PPP1R21: variants seen among roughly 807,000 people sequenced by gnomAD.
PPP1R21 encodes KLRAQ motif containing 1.
Under a neutral mutation model 112.8 loss-of-function variants are expected in PPP1R21, and 85 were observed. That is an observed-to-expected ratio of 0.75 (90% CI 0.63 to 0.90). The LOEUF is 0.90. Among genes scored for constraint, PPP1R21 ranks in the 40% least tolerant of loss-of-function variants. PPP1R21 has a pLI of 0.00. For missense variants in PPP1R21, 1,199 were observed against 901.5 expected (o/e 1.33, Z -4.23); for synonymous variants, 381 against 322.3 (o/e 1.18, Z -1.95).
chr2:48,447,340 A>G (rs953293026), intron 1 of PPP1R21, among the ~76,000 whole-genome samples: 1 of 152,232 alleles, frequency 6.6e-6, no homozygotes, highest in Non-Finnish European at 1.5e-5. Flanking sequence ...TCAGAAAATT[A>G]CAAAACAAGG....
At chr2:48,495,923 A>C (rs952517655) in intron 16 of PPP1R21, 152 bp downstream of exon 16, 5 of 550,082 alleles carry the variant, frequency 9.1e-6, no homozygotes, top group African/African-American at 7.6e-5. Flanking sequence ...GCAAATAGAC[A>C]TAATTTGTTG....
At chr2:48,454,865 G>T in intron 3 of PPP1R21, 124 bp downstream of exon 3, 1 of 745,788 alleles carries the variant, frequency 1.3e-6, no homozygotes, top group Non-Finnish European at 2.3e-6. Flanking sequence ...TTTGAGACAG[G>T]GTCTTGCTCT....
chr2:48,447,639 A>G (rs1404273082), intron 1 of PPP1R21, among the ~76,000 whole-genome samples: 1 of 152,172 alleles, frequency 6.6e-6, no homozygotes, highest in Non-Finnish European at 1.5e-5. Context: ...ACTGGTGCAG[A>G]GAAAGATAGA....
chr2:48,471,530 A>T lies in PPP1R21; in HGVS notation c.1088+163A>T, dbSNP rs985910258. 7.8e-6 allele frequency: 5 copies of T among 643,062 alleles called. No individual in the cohort carries two copies. The Admixed American group carries it at 1.0e-4, about 13-fold the overall frequency. The allele number at this position is 643,062 out of a possible 1,614,324, so 39.8% of individuals were successfully genotyped here. A position where few individuals can be genotyped will look rare whatever the true frequency, so the allele number is the denominator to read the frequency against. On this transcript the variant is annotated intron_variant, in intron 11 of 21. Transcript: ENST00000294952. ...AAAAGGAAAAGCATGGTTGAGCAGCATTAACTTAAATTTAAGAAAGTTGAA... is the reference window on the plus strand; with the variant it reads ...AAAAGGAAAAGCATGGTTGAGCAGCTTTAACTTAAATTTAAGAAAGTTGAA...
intron 17 of PPP1R21, among the ~76,000 whole-genome samples, chr2:48,502,819 T>C (rs1043902458): frequency 1.3e-5 from 2 of 151,802 alleles, no homozygotes; most frequent in African/African-American, 4.8e-5. Flanking sequence ...TAGCTGGGAC[T>C]ACAGGCGCCT....
At chr2:48,490,863 TCAAA>T (rs1399909536) in intron 14 of PPP1R21, among the ~76,000 whole-genome samples, 151 bp from the exon 15 acceptor site, 2 of 152,240 alleles carry the variant, frequency 1.3e-5, no homozygotes, top group Non-Finnish European at 2.9e-5. Flanking sequence ...CTAGGTATTC[TCAAA>T]TAAATAAATG....
At chr2:48,453,273 A>G (rs376574665) in intron 2 of PPP1R21, among the ~76,000 whole-genome samples, 11 of 152,186 alleles carry the variant, frequency 7.2e-5, no homozygotes, top group Admixed American at 2.0e-4. Flanking sequence ...GTTTCAATAC[A>G]GTTAAATCAT....
At chr2:48,444,299 G>A (rs766208208) in intron 1 of PPP1R21, among the ~76,000 whole-genome samples, 5 of 152,140 alleles carry the variant, frequency 3.3e-5, no homozygotes, top group Non-Finnish European at 7.3e-5. Context: ...TGTGTGTAGA[G>A]GCTGGTTTTC....
chr2:48,500,322 G>C (rs952636334), intron 17 of PPP1R21, among the ~76,000 whole-genome samples: 1 of 151,938 alleles, frequency 6.6e-6, no homozygotes, highest in Admixed American at 6.6e-5. Context: ...TATCTGCACA[G>C]ATCAATAAAG....
rs1669963756 is a variant in PPP1R21, at chr2:48,498,703, G to T, written c.1903G>T (p.Ala635Ser). 1 of 1,614,096 alleles carries T rather than the reference G, an allele frequency of 6.2e-7. No individual in the cohort carries two copies. Among genetic ancestry groups the T allele is most frequent in the Non-Finnish European group, 8.5e-7 (1 of 1,180,042 alleles). Residue 635 changes from alanine to serine, a missense_variant, in exon 17 of 22, where the codon GCT becomes TCT. Ala to Ser is a moderately conservative substitution (Grantham distance 99). Transcript: ENST00000294952. The stretch of plus-strand genomic sequence containing the variant: ...TGGCCAGGATGAAGCCACAGCTAAG[G>T]CTGTGTTGGAGCCCATTCAGAGCAC... ...TAGQDEATAK[A>S]VLEPIQSTSL...
At chr2:48,509,787 C>G (rs1463937989) in intron 19 of PPP1R21, among the ~76,000 whole-genome samples, 1 of 152,148 alleles carries the variant, frequency 6.6e-6, no homozygotes, top group East Asian at 1.9e-4. Context: ...AAACATTGAT[C>G]TTAAGTTGGT....
intron 17 of PPP1R21, 139 bp downstream of exon 17, chr2:48,498,874 C>T: frequency 2.2e-6 from 2 of 900,746 alleles, no homozygotes; most frequent in South Asian, 3.5e-5. Flanking sequence ...TTGTAAATCA[C>T]AGAAATTTAT....
chr2:48,491,666 C>G (rs1669570524), intron 15 of PPP1R21, among the ~76,000 whole-genome samples: 1 of 151,812 alleles, frequency 6.6e-6, no homozygotes, highest in Admixed American at 6.6e-5. Context: ...TATTTATATC[C>G]AAAAAATGTT....
chr2:48,510,441 CCTTTTCTTTCCTGTTGCATAAAACGGAT>C lies in PPP1R21; in HGVS notation c.2184+331_2184+358del, dbSNP rs1304802909. Among the ~76,000 whole-genome samples, 3 of 152,272 alleles carry C rather than the reference CCTTTTCTTTCCTGTTGCATAAAACGGAT, an allele frequency of 2.0e-5. No individual in the cohort carries two copies. The East Asian group carries it at 5.8e-4, about 29-fold the overall frequency. On this transcript the variant is annotated intron_variant, in intron 20 of 21. Transcript: ENST00000294952. ...CTTGTTCTGTACATAGTACTCTGTTCCTTTTCTTTCCTGTTGCATAAAACGGATCTAAACTGAAAGGTGGGGCTATAAC... is the reference window on the plus strand; with the variant it reads ...CTTGTTCTGTACATAGTACTCTGTTCCTAAACTGAAAGGTGGGGCTATAAC...
At chr2:48,505,361 T>C (rs1214780832) in intron 17 of PPP1R21, among the ~76,000 whole-genome samples, 5 of 152,252 alleles carry the variant, frequency 3.3e-5, no homozygotes, top group African/African-American at 1.2e-4. Flanking sequence ...ATGATCATTA[T>C]TGGTTACTGC....
chr2:48,488,954 G>C (rs1357894602), intron 14 of PPP1R21, among the ~76,000 whole-genome samples: 1 of 152,144 alleles, frequency 6.6e-6, no homozygotes, highest in Non-Finnish European at 1.5e-5. Flanking sequence ...AACACTGTGT[G>C]AATCCATGTC....
At chr2:48,494,524 T>C (rs1033187678) in intron 15 of PPP1R21, among the ~76,000 whole-genome samples, 7 of 151,410 alleles carry the variant, frequency 4.6e-5, no homozygotes, top group African/African-American at 1.5e-4. Flanking sequence ...CCTCCTGGGT[T>C]CAAGCGATTC....
At chr2:48,466,598 G>T (rs567669375) in intron 9 of PPP1R21, among the ~76,000 whole-genome samples, 1 of 152,086 alleles carries the variant, frequency 6.6e-6, no homozygotes, top group Non-Finnish European at 1.5e-5. Context: ...TGAGATCACC[G>T]GGGAATGGAG....
intron 7 of PPP1R21, among the ~76,000 whole-genome samples, chr2:48,464,567 T>C (rs1051541247): frequency 7.2e-5 from 11 of 152,208 alleles, no homozygotes; most frequent in African/African-American, 2.4e-4. Context: ...TGGTATTTTT[T>C]GCTGATTAGC....
Sources: allele counts gnomAD v4.1 joint callset (sites outside exome capture counted in the v4.1 genomes callset), GRCh38; gene constraint gnomAD v4.1.1; transcripts MANE v1.5; gene names NCBI Gene and HGNC (gene_info 2026-07-23, HGNC 2026-07-21).